Variants in SUGCT observed in about 807,000 individuals in gnomAD.
SUGCT encodes the protein succinyl-CoA:glutarate CoA-transferase.
A neutral mutation model predicts 55.0 loss-of-function variants in SUGCT; 41 were observed. That is an observed-to-expected ratio of 0.74 (90% CI 0.58 to 0.97). The LOEUF (loss-of-function observed/expected upper bound fraction) is 0.97. SUGCT is among the 50% of genes least tolerant of loss of function. The pLI is 0.00. For missense variants in SUGCT, 568 were observed against 547.8 expected (o/e 1.04, Z -0.37); for synonymous variants, 187 against 200.4 (o/e 0.93, Z 0.56).
At chr7:40,821,434 A>G (rs377330111) in intron 13 of SUGCT, among the ~76,000 whole-genome samples, 19 of 152,134 alleles carry the variant, frequency 1.2e-4, no homozygotes, top group African/African-American at 4.3e-4. Flanking sequence ...TATTGCCTCA[A>G]TTTTAGAGCC....
At chr7:40,530,940 G>A (rs1436260655) in intron 12 of SUGCT, among the ~76,000 whole-genome samples, 1 of 152,170 alleles carries the variant, frequency 6.6e-6, no homozygotes, top group Non-Finnish European at 1.5e-5. Context: ...AGAACACACA[G>A]CATGGTCAAG....
chr7:40,224,189 G>T (rs1381067868), intron 6 of SUGCT, among the ~76,000 whole-genome samples: 1 of 152,156 alleles, frequency 6.6e-6, no homozygotes, highest in Non-Finnish European at 1.5e-5. Context: ...CTGCCAGAAT[G>T]TGAGCTGCAT....
chr7:40,378,757 A>G (rs1453174950), intron 9 of SUGCT, among the ~76,000 whole-genome samples: 1 of 152,100 alleles, frequency 6.6e-6, no homozygotes, highest in African/African-American at 2.4e-5. Context: ...ACAGGCATGA[A>G]CCACCATGCC....
rs759046243 is a variant in SUGCT, at chr7:40,402,208, C to A, written c.817-47079C>A. ...CCAAAGGTAACACAATTAGGAAAGG[C>A]CGTTCTAGAACGTGTGCTATTAAGC... is the stretch of plus-strand genomic sequence containing the variant. On this transcript the variant is annotated intron_variant, in intron 9 of 13. Transcript: ENST00000335693. Among the ~76,000 whole-genome samples, 172 of 151,980 alleles carry A rather than the reference C, an allele frequency of 1.1e-3. 1 individual carries two copies. The highest frequency in any genetic ancestry group is 1.9e-3 in the Non-Finnish European group (129 of 67,952).
intron 11 of SUGCT, among the ~76,000 whole-genome samples, chr7:40,466,446 C>T (rs547106360): frequency 6.6e-6 from 1 of 152,320 alleles, no homozygotes; most frequent in South Asian, 2.1e-4. Flanking sequence ...CTTTTCTGGC[C>T]TCGCTAGTCT....
chr7:41,002,651 T>C, the SUGCT span, among the ~76,000 whole-genome samples: 2 of 152,214 alleles, frequency 1.3e-5, no homozygotes, highest in African/African-American at 4.8e-5. Context: ...AATGTTTAGC[T>C]GCACTGGGGC....
the SUGCT span, among the ~76,000 whole-genome samples, chr7:40,944,231 G>A: frequency 6.6e-6 from 1 of 151,864 alleles, no homozygotes; most frequent in African/African-American, 2.4e-5. Flanking sequence ...TTTATAGGTT[G>A]CCTGTTCACT....
intron 12 of SUGCT, among the ~76,000 whole-genome samples, chr7:40,608,386 C>A (rs1038403742): frequency 3.3e-5 from 5 of 152,114 alleles, no homozygotes; most frequent in African/African-American, 1.2e-4. Flanking sequence ...CGTAGGGTAA[C>A]TTTGGTTGTC....
chr7:40,691,308 A>C (rs1224824688), intron 12 of SUGCT, among the ~76,000 whole-genome samples: 1 of 151,436 alleles, frequency 6.6e-6, no homozygotes, highest in Non-Finnish European at 1.5e-5. Flanking sequence ...TTATGTGAGA[A>C]ACTTTTTTTT....
intron 12 of SUGCT, among the ~76,000 whole-genome samples, chr7:40,696,411 T>C (rs999602003): frequency 1.5e-4 from 23 of 152,146 alleles, no homozygotes; most frequent in Non-Finnish European, 1.0e-4. Context: ...CCCCATCTTA[T>C]GTTTGGGGTG....
chr7:40,993,955 G>A, the SUGCT span, among the ~76,000 whole-genome samples: 1 of 152,198 alleles, frequency 6.6e-6, no homozygotes, highest in African/African-American at 2.4e-5. Context: ...AAGGATTGTA[G>A]GGACAAGAGT....
intron 9 of SUGCT, among the ~76,000 whole-genome samples, chr7:40,374,329 C>T (rs1420894616): frequency 6.6e-6 from 1 of 151,944 alleles, no homozygotes; most frequent in Non-Finnish European, 1.5e-5. Flanking sequence ...TAGGTGGTGT[C>T]ATCCTCATTT....
intron 12 of SUGCT, among the ~76,000 whole-genome samples, chr7:40,658,624 C>T (rs1290650279): frequency 1.3e-5 from 2 of 152,142 alleles, no homozygotes; most frequent in African/African-American, 4.8e-5. Flanking sequence ...CTAGTTCTGT[C>T]TGATGCTATG....
the SUGCT span, among the ~76,000 whole-genome samples, chr7:41,028,495 G>A: frequency 1.5e-4 from 23 of 152,262 alleles, no homozygotes; most frequent in South Asian, 4.1e-4. Context: ...GGAGCATCAC[G>A]GAGTGCACTT....
At chr7:40,829,010 G>T (rs1792512676) in intron 13 of SUGCT, among the ~76,000 whole-genome samples, 1 of 152,180 alleles carries the variant, frequency 6.6e-6, no homozygotes, top group African/African-American at 2.4e-5. Flanking sequence ...AAAGCAGGAT[G>T]CAGCAAAGAC....
At chr7:40,987,882 C>G in the SUGCT span, among the ~76,000 whole-genome samples, 3 of 152,158 alleles carry the variant, frequency 2.0e-5, no homozygotes, top group South Asian at 4.2e-4. Context: ...TGTTGATGAT[C>G]TGGGTCTATG....
intron 9 of SUGCT, among the ~76,000 whole-genome samples, chr7:40,381,517 A>C (rs1285579875): frequency 6.6e-6 from 1 of 152,192 alleles, no homozygotes; most frequent in Non-Finnish European, 1.5e-5. Context: ...ACAACAACAA[A>C]AAAAACCCTA....
chr7:40,530,623 T>C lies in SUGCT; in HGVS notation c.1089+34237T>C, dbSNP rs538366674. Among the ~76,000 whole-genome samples, 31 of 152,364 alleles carry C rather than the reference T, an allele frequency of 2.0e-4. No individual in the cohort carries two copies. In the East Asian group the frequency reaches 2.5e-3, roughly 12 times the overall value. The stretch of plus-strand genomic sequence containing the variant: ...TGTGCTGACCATATGTGAGATTCAT[T>C]TGATGATGTTTTTCATTTTCTTTAT... On this transcript the variant is annotated intron_variant, in intron 12 of 13. Coordinates refer to ENST00000335693, the MANE Select transcript of SUGCT (RefSeq NM_001193313.2).
chr7:40,987,155 C>G, the SUGCT span, among the ~76,000 whole-genome samples: 425 of 152,182 alleles, frequency 2.8e-3, 2 homozygotes, highest in African/African-American at 0.01. Context: ...CGGACAAGGA[C>G]CACAACAGGG....
Sources: gnomAD v4.1 joint callset for allele counts (sites outside exome capture counted in the v4.1 genomes callset) on GRCh38, gnomAD v4.1.1 for gene constraint, MANE v1.5 for transcripts, NCBI Gene and HGNC (gene_info 2026-07-23, HGNC 2026-07-21) for gene names.